The following SPINK5 variants were observed in gnomAD, a reference collection of about 807,000 sequenced individuals.
The protein encoded by SPINK5 is serine protease inhibitor Kazal-type 5.
Under a neutral mutation model 151.8 loss-of-function variants are expected in SPINK5, and 125 were observed. That is an observed-to-expected ratio of 0.82 (90% CI 0.71 to 0.96). SPINK5 has a LOEUF of 0.96. Ranked by LOEUF, SPINK5 falls within the 40% of genes least tolerant of loss-of-function variation. The probability of loss-of-function intolerance (pLI) is 0.00; values close to 1 mark genes in which losing one functional copy is unlikely to be tolerated. For synonymous variants in SPINK5, 374 were observed against 395.3 expected (o/e 0.95, Z 0.64); for missense variants, 1,194 against 1,291.9 (o/e 0.92, Z 1.16).
intron 26 of SPINK5, among the ~76,000 whole-genome samples, chr5:148,121,494 G>T (rs1213965367): frequency 6.6e-6 from 1 of 151,942 alleles, no homozygotes; most frequent in Non-Finnish European, 1.5e-5. Context: ...TACGGTAGAT[G>T]AAATGGCTTT....
At chr5:148,079,213 A>T (rs1170511243) in intron 4 of SPINK5, among the ~76,000 whole-genome samples, 1 of 151,118 alleles carries the variant, frequency 6.6e-6, no homozygotes, top group African/African-American at 2.4e-5. Flanking sequence ...AATTATTGAA[A>T]ATTGACCCAA....
At chr5:148,071,773 T>A (rs548531161) in intron 3 of SPINK5, among the ~76,000 whole-genome samples, 1 of 152,196 alleles carries the variant, frequency 6.6e-6, no homozygotes, top group African/African-American at 2.4e-5. Flanking sequence ...TGATTTGCTC[T>A]GTGGGTCCCT....
In SPINK5 at chr5:148,108,840, A is replaced by G. The variant is rs1753847649; in HGVS notation, c.1692+3A>G. On this transcript the variant is annotated splice_donor_region_variant and intron_variant, in intron 18 of 32. Transcript: ENST00000256084. ...AAGTTAAGAGAGAAGCAGTTCAGGTAGTTGTTTGAGATCATCAGAGCCACA... is the reference window on the plus strand; with the variant it reads ...AAGTTAAGAGAGAAGCAGTTCAGGTGGTTGTTTGAGATCATCAGAGCCACA... 2 of 1,611,776 alleles carry G rather than the reference A, an allele frequency of 1.2e-6. No homozygotes were observed. Among genetic ancestry groups the G allele is most frequent in the Non-Finnish European group, 1.7e-6 (2 of 1,178,458 alleles).
chr5:148,089,324 A>G, intron 6 of SPINK5, 170 bp from the exon 7 acceptor site: 1 of 849,034 alleles, frequency 1.2e-6, no homozygotes, highest in South Asian at 1.4e-5. Flanking sequence ...AAAGTTTTAT[A>G]TTTAACCACA....
intron 5 of SPINK5, among the ~76,000 whole-genome samples, chr5:148,086,987 T>C (rs904472410): frequency 4.0e-5 from 6 of 150,870 alleles, no homozygotes; most frequent in Non-Finnish European, 8.9e-5. Flanking sequence ...CATACATACA[T>C]ATATACATAT....
intron 7 of SPINK5, 132 bp downstream of exon 7, chr5:148,089,753 T>G: frequency 7.5e-7 from 1 of 1,337,354 alleles, no homozygotes; most frequent in South Asian, 1.2e-5. Context: ...GAAATAGCCT[T>G]TCTCACAGAA....
chr5:148,124,505 C>A (rs999481518), intron 27 of SPINK5, among the ~76,000 whole-genome samples: 1 of 151,960 alleles, frequency 6.6e-6, no homozygotes, highest in East Asian at 1.9e-4. Context: ...AAATAAAGAC[C>A]TTTTAGGATC....
At chr5:148,123,513 ATATATGTG>A (rs1254192562) in intron 26 of SPINK5, among the ~76,000 whole-genome samples, 2 of 10,858 alleles carry the variant, frequency 1.8e-4, no homozygotes, top group African/African-American at 6.0e-4. Flanking sequence ...CAGTGGTGCA[ATATATGTG>A]TATATATATA....
chr5:148,085,326 T>C (rs1357720174), intron 4 of SPINK5, among the ~76,000 whole-genome samples: 3 of 151,966 alleles, frequency 2.0e-5, no homozygotes, highest in Admixed American at 2.0e-4. Context: ...ATCATTAAAA[T>C]GTCTTTATTT....
chr5:148,100,719 G>A, intron 13 of SPINK5, 138 bp downstream of exon 13: 1 of 972,648 alleles, frequency 1.0e-6, no homozygotes, highest in South Asian at 1.4e-5. Flanking sequence ...TCTGATTGGA[G>A]ACATGTATTT....
At chr5:148,100,350 G>A in intron 12 of SPINK5, 104 bp from the exon 13 acceptor site, 1 of 1,255,466 alleles carries the variant, frequency 8.0e-7, no homozygotes, top group African/African-American at 1.4e-5. Context: ...AAAATCCTCA[G>A]CTCAAAGAGA....
chr5:148,086,590 GAC>G (rs1404515888), intron 5 of SPINK5, 58 bp downstream of exon 5: 3 of 1,592,552 alleles, frequency 1.9e-6, no homozygotes, highest in Non-Finnish European at 2.6e-6. Context: ...ATAATTACAT[GAC>G]ACAATTTTCC....
intron 19 of SPINK5, 113 bp from the exon 20 acceptor site, chr5:148,112,755 A>T: frequency 6.6e-7 from 1 of 1,511,488 alleles, no homozygotes; most frequent in East Asian, 2.4e-5. Context: ...CTCCAAAGCT[A>T]AGTTGGTGGA....
intron 23 of SPINK5, 88 bp from the exon 24 acceptor site, chr5:148,118,898 T>C (rs1754174084): frequency 7.3e-7 from 1 of 1,365,106 alleles, no homozygotes; most frequent in African/African-American, 1.4e-5. Flanking sequence ...GAAAGCTGAC[T>C]TCTTGTCATT....
At chr5:148,089,354 T>A (rs958499447) in intron 6 of SPINK5, 140 bp from the exon 7 acceptor site, 113 of 1,068,516 alleles carry the variant, frequency 1.1e-4, no homozygotes, top group Non-Finnish European at 1.5e-4. Flanking sequence ...GAGTACTTAC[T>A]GAGCTACATC....
intron 5 of SPINK5, among the ~76,000 whole-genome samples, chr5:148,087,016 ATCTT>A (rs1753178429): frequency 6.6e-6 from 1 of 151,370 alleles, no homozygotes; most frequent in Non-Finnish European, 1.5e-5. Flanking sequence ...ACACACATCT[ATCTT>A]CTATCTATCC....
At chr5:148,128,284 A>T (rs1754484931) in intron 30 of SPINK5, among the ~76,000 whole-genome samples, 1 of 152,164 alleles carries the variant, frequency 6.6e-6, no homozygotes, top group Non-Finnish European at 1.5e-5. Context: ...ATGCAAGTAA[A>T]TAGCTAAATG....
chr5:148,069,705 C>G (rs1216979068), intron 2 of SPINK5, among the ~76,000 whole-genome samples: 1 of 152,048 alleles, frequency 6.6e-6, no homozygotes. Flanking sequence ...GGGGATGTGA[C>G]AGTGAAGGGC....
chr5:148,089,726 C>T, intron 7 of SPINK5, 105 bp downstream of exon 7: 1 of 1,541,828 alleles, frequency 6.5e-7, no homozygotes. Context: ...GCATGCAATT[C>T]TTTGTCTTTA....
Sources: gnomAD v4.1 joint callset for allele counts (sites outside exome capture counted in the v4.1 genomes callset) on GRCh38, gnomAD v4.1.1 for gene constraint, MANE v1.5 for transcripts, NCBI Gene and HGNC (gene_info 2026-07-23, HGNC 2026-07-21) for gene names.